The following GLT8D2 variants were observed in gnomAD, a reference collection of about 807,000 sequenced individuals.
GLT8D2 encodes the protein glycosyltransferase 8 domain-containing protein 2.
GLT8D2 carries 45 observed loss-of-function variants against 44.5 expected under a neutral mutation model. The ratio of observed to expected loss-of-function variants is 1.01; its 90% CI spans 0.80 to 1.30. GLT8D2 has a LOEUF of 1.30. Among genes scored for constraint, GLT8D2 ranks in the 50% most tolerant of loss-of-function variants. The pLI, the probability that GLT8D2 is intolerant of heterozygous loss-of-function variation, is 0.00. For missense variants in GLT8D2, 400 were observed against 430.4 expected (o/e 0.93, Z 0.62); for synonymous variants, 156 against 157.2 (o/e 0.99, Z 0.06).
chr12:104,006,152 A>G (rs1221850493), intron 4 of GLT8D2, among the ~76,000 whole-genome samples: 2 of 150,656 alleles, frequency 1.3e-5, no homozygotes, highest in African/African-American at 4.9e-5. Context: ...CAAACACTGC[A>G]TGTTCTCATT....
In GLT8D2 at chr12:104,016,762, AGAAAGAAAGAAAGAAG is replaced by A. The variant is rs1357320477; in HGVS notation, c.20-1673_20-1658del. ...AAGAAAGAAAGAAAGAAAGAAAGAA[AGAAAGAAAGAAAGAAG>A]GAAGGAAGGAAGGAAGGAAGGAAGG... On this transcript the variant is annotated intron_variant, in intron 3 of 10. Transcript: ENST00000360814. 8.7e-3 allele frequency among the ~76,000 whole-genome samples: 791 copies of A among 91,140 alleles called. 4 individuals are homozygous for A. Among genetic ancestry groups the A allele is most frequent in the Middle Eastern group, 0.017 (3 of 178 alleles). The allele number at this position is 91,140 out of a possible 152,430, so 59.8% of individuals were successfully genotyped here.
At chr12:103,992,473 TTC>T (rs748084033) in intron 10 of GLT8D2, among the ~76,000 whole-genome samples, 123 of 150,300 alleles carry the variant, frequency 8.2e-4, no homozygotes, top group Non-Finnish European at 8.7e-4. Flanking sequence ...ACAGTGAAAG[TTC>T]TCTCTCTCTC....
intron 1 of GLT8D2, among the ~76,000 whole-genome samples, chr12:104,039,453 AAAAC>A (rs1195962452): frequency 1.3e-5 from 2 of 152,210 alleles, no homozygotes; most frequent in South Asian, 2.1e-4. Context: ...TTACAAGAAA[AAAAC>A]AAACAACCCC....
intron 3 of GLT8D2, among the ~76,000 whole-genome samples, chr12:104,018,462 T>C (rs1877176726): frequency 6.6e-6 from 1 of 152,114 alleles, no homozygotes; most frequent in African/African-American, 2.4e-5. Flanking sequence ...TAATGGATTA[T>C]CAGATTCAGC....
intron 1 of GLT8D2, among the ~76,000 whole-genome samples, chr12:104,042,136 A>AT (rs1880628569): frequency 6.6e-6 from 1 of 152,172 alleles, no homozygotes; most frequent in Admixed American, 6.5e-5. Flanking sequence ...CCAAATAAAG[A>AT]TTTTACCAGC....
intron 4 of GLT8D2, among the ~76,000 whole-genome samples, chr12:104,008,019 T>C (rs188889896): frequency 6.7e-4 from 102 of 152,330 alleles, no homozygotes; most frequent in South Asian, 1.2e-3. Flanking sequence ...ACTCTTTTTC[T>C]TCCCAGTCTC....
Position 104,049,912 on chromosome 12 carries a change from T to G in GLT8D2, c.-181A>C, listed in dbSNP as rs976177243. On this transcript the variant is annotated 5_prime_UTR_variant, in exon 1 of 11. Coordinates refer to ENST00000360814, the MANE Select transcript of GLT8D2 (RefSeq NM_001384711.1). ...CTATTTACCTGGTGAATGGTGAGGG[T>G]AGGGCTTTGGGCTCCTCGGTCCAGA... 1 of 152,278 alleles carries G rather than the reference T, an allele frequency of 6.6e-6. No individual in the cohort carries two copies. Among genetic ancestry groups the G allele is most frequent in the African/African-American group, 2.4e-5 (1 of 41,452 alleles). 9.4% of individuals were successfully genotyped at this position (152,278 alleles called of 1,614,324 possible). A position where few individuals can be genotyped will look rare whatever the true frequency, so the allele number is the denominator to read the frequency against.
At chr12:104,061,752 A>G (rs1882667192) in intron 1 of GLT8D2, among the ~76,000 whole-genome samples, 1 of 152,042 alleles carries the variant, frequency 6.6e-6, no homozygotes, top group South Asian at 2.1e-4. Context: ...CAAGGTGGGC[A>G]GATCACCTGA....
chr12:104,014,440 T>G (rs1245472365), intron 4 of GLT8D2: 1 of 591,794 alleles, frequency 1.7e-6, no homozygotes, highest in Non-Finnish European at 3.0e-6. Flanking sequence ...CATTGGAGTT[T>G]TGAAGGTGCC....
At position 103,994,420 on chromosome 12, in the gene GLT8D2, G is replaced by C. The variant is rs1270657379; in HGVS notation, c.682C>G (p.Pro228Ala). 6.2e-7 allele frequency: 1 copy of C among 1,613,974 alleles called. No individual in the cohort carries two copies. The highest frequency in any genetic ancestry group is 1.7e-5 in the Admixed American group (1 of 60,000). Residue 228 changes from proline to alanine, a missense_variant, in exon 9 of 11, where the codon CCT (proline) becomes GCT (alanine). Coordinates refer to ENST00000360814, the MANE Select transcript of GLT8D2 (RefSeq NM_001384711.1). Reference protein sequence around the residue: ...GISPSTCSFNPGVIVANMTEW... With the variant: ...GISPSTCSFNAGVIVANMTEW... ...GTCATGTTGGCAACAATCACACCAG[G>C]ATTGAAAGAGCAGGTGCTGGGGCTG...
rs1200395338 is a variant in GLT8D2 at position 103,990,700 on chromosome 12, G to A, written c.881-1123C>T. ...TGTTACTAATAAACATAGCTGTGAC[G>A]GCAGCTGCAGAAGAGAAACTAGTTG... On this transcript the variant is annotated intron_variant, in intron 10 of 10. Transcript: ENST00000360814. Among the ~76,000 whole-genome samples, 5 of 152,218 alleles carry A rather than the reference G, an allele frequency of 3.3e-5. No individual in the cohort carries two copies. The South Asian group carries it at 6.2e-4, about 19-fold the overall frequency.
At chr12:104,024,284 T>A (rs1346491937) in intron 1 of GLT8D2, among the ~76,000 whole-genome samples, 1 of 151,706 alleles carries the variant, frequency 6.6e-6, no homozygotes, top group Non-Finnish European at 1.5e-5. Flanking sequence ...GAGAAAAAAA[T>A]TTAGCCAGAC....
chr12:104,006,081 T>C (rs1281236880), intron 4 of GLT8D2, among the ~76,000 whole-genome samples: 1 of 152,014 alleles, frequency 6.6e-6, no homozygotes, highest in Non-Finnish European at 1.5e-5. Flanking sequence ...ATGTCCTTTG[T>C]AGGGACATGG....
In GLT8D2 at chr12:104,016,772, AAAGAAGG is replaced by A. The variant is rs1326990386; in HGVS notation, c.20-1674_20-1668del. Among the ~76,000 whole-genome samples the A allele has an allele frequency of 2.2e-3, 197 of 87,650 alleles. 7 individuals carry two copies. In the East Asian group the frequency reaches 0.03, roughly 14 times the overall value. The allele number at this position is 87,650 out of a possible 152,430, so 57.5% of individuals were successfully genotyped here. A position where few individuals can be genotyped will look rare whatever the true frequency, so the allele number is the denominator to read the frequency against. ...GAAAGAAAGAAAGAAAGAAAGAAAG[AAAGAAGG>A]AAGGAAGGAAGGAAGGAAGGAAGGA... is the stretch of plus-strand genomic sequence containing the variant. On this transcript the variant is annotated intron_variant, in intron 3 of 10. Coordinates refer to ENST00000360814, the MANE Select transcript of GLT8D2 (RefSeq NM_001384711.1).
intron 4 of GLT8D2, chr12:104,014,124 GA>G (rs201530598): frequency 0.013 from 7,129 of 541,900 alleles, 79 homozygotes; most frequent in Middle Eastern, 0.015. Flanking sequence ...AGCACTTTGG[GA>G]GGCCAAGGTA....
intron 3 of GLT8D2, 58 bp downstream of exon 3, chr12:104,019,572 C>T: frequency 7.1e-7 from 1 of 1,403,652 alleles, no homozygotes; most frequent in Non-Finnish European, 1.0e-6. Context: ...GCCCCAGCCT[C>T]AAAACCATCC....
At chr12:104,008,905 G>T (rs1292562958) in intron 4 of GLT8D2, among the ~76,000 whole-genome samples, 1 of 152,268 alleles carries the variant, frequency 6.6e-6, no homozygotes, top group African/African-American at 2.4e-5. Context: ...TGAGTGCACA[G>T]AAGTAAAAAA....
intron 1 of GLT8D2, among the ~76,000 whole-genome samples, chr12:104,021,944 AGAAGAAGAAGAGGAAGAAGAGGAAGAG>A (rs1877825711): frequency 4.3e-5 from 1 of 23,102 alleles, no homozygotes; most frequent in Non-Finnish European, 8.9e-5. Flanking sequence ...AAGAAGAAGA[AGAAGAAGAAGAGGAAGAAGAGGAAGAG>A]GAAGAGGAAG....
chr12:104,015,827 C>A (rs1044095518), intron 3 of GLT8D2, among the ~76,000 whole-genome samples: 1 of 151,616 alleles, frequency 6.6e-6, no homozygotes, highest in African/African-American at 2.4e-5. Flanking sequence ...TATGGTGAAA[C>A]CCTATCTCTA....
Sources: allele counts gnomAD v4.1 joint callset (sites outside exome capture counted in the v4.1 genomes callset), GRCh38; gene constraint gnomAD v4.1.1; transcripts MANE v1.5; gene names NCBI Gene and HGNC (gene_info 2026-07-23, HGNC 2026-07-21).